The following LDLRAD3 variants were observed in gnomAD, a reference collection of about 807,000 sequenced individuals.
The protein encoded by LDLRAD3 is low density lipoprotein receptor class A domain containing 3, also known as low-density lipoprotein receptor class A domain-containing protein 3.
A neutral mutation model predicts 29.4 loss-of-function variants in LDLRAD3; 20 were observed. The observed-to-expected ratio is 0.68, with a 90% CI of 0.48 to 0.99. The LOEUF (loss-of-function observed/expected upper bound fraction) is 0.99. Ranked by LOEUF, LDLRAD3 falls within the 50% of genes least tolerant of loss-of-function variation. The probability of loss-of-function intolerance (pLI) is 0.00; values close to 1 mark genes in which losing one functional copy is unlikely to be tolerated. For synonymous variants in LDLRAD3, 157 were observed against 192.7 expected, an observed-to-expected ratio of 0.81 and a Z score of 1.53; for missense variants, 420 against 454.3, an observed-to-expected ratio of 0.92 and a Z score of 0.69.
At chr11:35,967,823 C>T (rs1851361252) in intron 1 of LDLRAD3, 5 of 432,904 alleles carry the variant, frequency 1.2e-5, no homozygotes, top group Middle Eastern at 4.2e-4. Flanking sequence ...CAAGCTCCTG[C>T]CATTGCAGTA....
chr11:35,983,826 C>T (rs1037180859), intron 1 of LDLRAD3, among the ~76,000 whole-genome samples: 1 of 151,948 alleles, frequency 6.6e-6, no homozygotes, highest in Middle Eastern at 3.4e-3. Context: ...GGTTTCACCA[C>T]GTTGGCCAGG....
At chr11:35,973,569 A>G (rs1316668527) in intron 1 of LDLRAD3, among the ~76,000 whole-genome samples, 2 of 151,858 alleles carry the variant, frequency 1.3e-5, no homozygotes, top group African/African-American at 4.8e-5. Context: ...GGTTCAAGCT[A>G]TTCTTCTGCC....
intron 4 of LDLRAD3, among the ~76,000 whole-genome samples, chr11:36,107,521 T>C (rs939621025): frequency 6.6e-6 from 1 of 152,304 alleles, no homozygotes; most frequent in Admixed American, 6.5e-5. Flanking sequence ...ACAGGTATAG[T>C]CATGTGCTGC....
intron 4 of LDLRAD3, among the ~76,000 whole-genome samples, chr11:36,165,943 T>TCC (rs1396418772): frequency 4.6e-4 from 63 of 138,178 alleles, no homozygotes; most frequent in Non-Finnish European, 3.4e-4. Flanking sequence ...ACTGGCTTGC[T>TCC]TCCTCCCTCC....
Position 36,119,153 on chromosome 11 carries a change from A to G in LDLRAD3, c.454+20692A>G, listed in dbSNP as rs1853716762. Among the ~76,000 whole-genome samples, 5 of 152,302 alleles carry G rather than the reference A, an allele frequency of 3.3e-5. 1 individual carries two copies. The South Asian group carries it at 1.0e-3, about 32-fold the overall frequency. ...GTCCGTAATTTTCTTGATATCCACC[A>G]CAAAAGATAAGCAAAAAAGTCCTCA... On this transcript the variant is annotated intron_variant, in intron 4 of 5. Transcript: ENST00000315571.
chr11:36,109,723 T>G (rs943567786), intron 4 of LDLRAD3, among the ~76,000 whole-genome samples: 1 of 150,222 alleles, frequency 6.7e-6, no homozygotes, highest in Non-Finnish European at 1.5e-5. Context: ...TTAGTTTAGT[T>G]TTCCAAATAT....
intron 4 of LDLRAD3, among the ~76,000 whole-genome samples, chr11:36,194,766 T>C (rs1365869252): frequency 2.6e-5 from 4 of 152,186 alleles, no homozygotes; most frequent in African/African-American, 9.6e-5. Context: ...TCTCTAAAAC[T>C]CTGTCATCCT....
intron 4 of LDLRAD3, among the ~76,000 whole-genome samples, chr11:36,161,503 G>A (rs1406053762): frequency 1.3e-5 from 2 of 152,046 alleles, no homozygotes; most frequent in African/African-American, 4.8e-5. Context: ...ATCTGTAGAT[G>A]TGTTTATAAA....
At chr11:36,126,241 C>T (rs1853835500) in intron 4 of LDLRAD3, among the ~76,000 whole-genome samples, 1 of 152,170 alleles carries the variant, frequency 6.6e-6, no homozygotes, top group Non-Finnish European at 1.5e-5. Context: ...CATCACCTAT[C>T]TCTGCTGGCC....
chr11:36,195,770 G>A (rs1302051357), intron 4 of LDLRAD3, among the ~76,000 whole-genome samples: 2 of 152,064 alleles, frequency 1.3e-5, no homozygotes, highest in Non-Finnish European at 2.9e-5. Flanking sequence ...CAAGACACTT[G>A]ACCCAGCAGT....
chr11:36,141,015 TC>T (rs1397889256), intron 4 of LDLRAD3, among the ~76,000 whole-genome samples: 5 of 151,322 alleles, frequency 3.3e-5, no homozygotes, highest in African/African-American at 1.2e-4. Context: ...TCTCTCTCTC[TC>T]TCTCTCTCTC....
At chr11:36,060,956 C>G (rs1852689266) in intron 2 of LDLRAD3, among the ~76,000 whole-genome samples, 1 of 151,938 alleles carries the variant, frequency 6.6e-6, no homozygotes, top group Admixed American at 6.6e-5. Flanking sequence ...AAAGTGTGTC[C>G]CTGGACAGGT....
At chr11:36,043,465 G>A (rs1590222897) in intron 2 of LDLRAD3, among the ~76,000 whole-genome samples, 1 of 152,178 alleles carries the variant, frequency 6.6e-6, no homozygotes, top group East Asian at 1.9e-4. Flanking sequence ...TCTTCCAAAA[G>A]GATATAGGAT....
chr11:36,014,400 G>A (rs192480997), intron 1 of LDLRAD3, among the ~76,000 whole-genome samples: 1 of 152,348 alleles, frequency 6.6e-6, no homozygotes, highest in East Asian at 1.9e-4. Context: ...ACACCATTAT[G>A]GGAAATGATA....
chr11:35,963,009 A>G (rs765367496), intron 1 of LDLRAD3, among the ~76,000 whole-genome samples: 1 of 152,240 alleles, frequency 6.6e-6, no homozygotes, highest in East Asian at 1.9e-4. Flanking sequence ...AGAGATGTAG[A>G]TGTTAATGGG....
chr11:36,204,191 C>G (rs1565302479), intron 4 of LDLRAD3, among the ~76,000 whole-genome samples: 1 of 152,114 alleles, frequency 6.6e-6, no homozygotes, highest in Non-Finnish European at 1.5e-5. Context: ...ATGTGCATGT[C>G]AGAGGAAAAT....
At chr11:36,119,824 T>G (rs1853727488) in intron 4 of LDLRAD3, among the ~76,000 whole-genome samples, 1 of 152,262 alleles carries the variant, frequency 6.6e-6, no homozygotes, top group Non-Finnish European at 1.5e-5. Flanking sequence ...ACACAAAGGT[T>G]TAATTTTGAT....
intron 1 of LDLRAD3, among the ~76,000 whole-genome samples, chr11:35,947,512 A>G (rs565242669): frequency 1.4e-4 from 22 of 152,004 alleles, no homozygotes; most frequent in East Asian, 5.8e-4. Flanking sequence ...AAAAAAAAAA[A>G]AGAAAAAAGA....
chr11:36,130,665 T>G (rs1313501348), intron 4 of LDLRAD3, among the ~76,000 whole-genome samples: 1 of 152,138 alleles, frequency 6.6e-6, no homozygotes, highest in African/African-American at 2.4e-5. Flanking sequence ...TTTGTGCGAG[T>G]CATTCAGGCT....
Sources: allele counts gnomAD v4.1 joint callset (sites outside exome capture counted in the v4.1 genomes callset), GRCh38; gene constraint gnomAD v4.1.1; transcripts MANE v1.5; gene names NCBI Gene and HGNC (gene_info 2026-07-23, HGNC 2026-07-21).